Variants in BMP8A observed in about 807,000 individuals in gnomAD.
BMP8A encodes the protein BMP-8A.
Under a neutral mutation model 36.8 loss-of-function variants are expected in BMP8A, and 14 were observed. The ratio of observed to expected loss-of-function variants is 0.38; its 90% CI spans 0.25 to 0.60. The LOEUF is 0.60. Among genes scored for constraint, BMP8A ranks in the 20% least tolerant of loss-of-function variants. The probability of loss-of-function intolerance (pLI) is 0.63; values close to 1 mark genes in which losing one functional copy is unlikely to be tolerated. For synonymous variants in BMP8A, 120 were observed against 237.7 expected (o/e 0.50, Z 4.55); for missense variants, 267 against 551.1 (o/e 0.48, Z 5.16).
intron 6 of BMP8A, chr1:39,525,267 GAC>G: frequency 4.7e-6 from 1 of 212,652 alleles, no homozygotes; most frequent in East Asian, 1.2e-4. Flanking sequence ...GCTATAAGAA[GAC>G]AGTGGTCCTT....
intron 3 of BMP8A, among the ~76,000 whole-genome samples, chr1:39,518,197 A>C (rs709212): frequency 0.096 from 14,483 of 150,332 alleles, 1,836 homozygotes; most frequent in African/African-American, 0.33. Flanking sequence ...GGGGGTTCCC[A>C]GGCCATTGGG....
At chr1:39,506,682 C>T (rs1027511307) in intron 1 of BMP8A, among the ~76,000 whole-genome samples, 1 of 151,932 alleles carries the variant, frequency 6.6e-6, no homozygotes, top group South Asian at 2.1e-4. Context: ...AGGCAGCCCC[C>T]ACACTCCCTG....
At chr1:39,511,066 G>C (rs929965447) in intron 1 of BMP8A, 108 bp from the exon 2 acceptor site, 2 of 1,518,438 alleles carry the variant, frequency 1.3e-6, no homozygotes, top group African/African-American at 2.8e-5. Flanking sequence ...CCCTGGGTCC[G>C]CTCCACCTTG....
At chr1:39,508,062 T>C (rs1311976865) in intron 1 of BMP8A, among the ~76,000 whole-genome samples, 1 of 152,130 alleles carries the variant, frequency 6.6e-6, no homozygotes, top group Non-Finnish European at 1.5e-5. Flanking sequence ...CCATCCTGGC[T>C]AACACGGTGA....
intron 3 of BMP8A, among the ~76,000 whole-genome samples, chr1:39,519,837 CATCTGTGCTTATA>C (rs1645418688): frequency 7.1e-6 from 1 of 140,074 alleles, no homozygotes; most frequent in African/African-American, 2.6e-5. Flanking sequence ...TACGTGTGTA[CATCTGTGCTTATA>C]ACATGGAGGT....
At chr1:39,503,762 C>T (rs570193899) in intron 1 of BMP8A, among the ~76,000 whole-genome samples, 89 of 152,014 alleles carry the variant, frequency 5.9e-4, no homozygotes, top group Non-Finnish European at 9.9e-4. Flanking sequence ...ATCCACTCAC[C>T]TCGGCCACCC....
intron 1 of BMP8A, among the ~76,000 whole-genome samples, chr1:39,501,999 G>A (rs1645257339): frequency 6.6e-6 from 1 of 151,246 alleles, no homozygotes; most frequent in South Asian, 2.1e-4. Context: ...CAGCACTTTG[G>A]GAGGCCAAGG....
intron 1 of BMP8A, among the ~76,000 whole-genome samples, chr1:39,508,570 A>G (rs1645323388): frequency 6.6e-6 from 1 of 152,198 alleles, no homozygotes; most frequent in South Asian, 2.1e-4. Context: ...TACCCTTTTC[A>G]ATGCTCTCTT....
At position 39,523,094 on chromosome 1, in the gene BMP8A, A is replaced by G; in HGVS notation, c.1036A>G (p.Asn346Asp). The G allele has an allele frequency of 3.1e-6, 5 of 1,613,902 alleles. No individual in the cohort carries two copies. Among genetic ancestry groups the G allele is most frequent in the Non-Finnish European group, 4.2e-6 (5 of 1,179,946 alleles). Residue 346 changes from asparagine to aspartate, a missense_variant, in exon 6 of 7, where the codon AAC becomes GAC. This residue lies in a region of BMP8A where 132 missense variants were observed against 151.3 expected (regional missense o/e 0.87). Coordinates refer to ENST00000331593, the MANE Select transcript of BMP8A (RefSeq NM_181809.4). ...FPLDSCMNATNHAILQSLVHL... is the reference protein window; with the variant it reads ...FPLDSCMNATDHAILQSLVHL... ...GCTGGACTCCTGCATGAACGCCACC[A>G]ACCACGCCATCCTGCAGTCCCTGGT... is the stretch of plus-strand genomic sequence containing the variant.
At position 39,491,988 on chromosome 1, in the gene BMP8A, C is replaced by A; in HGVS notation, c.-4C>A. On this transcript the variant is annotated 5_prime_UTR_variant, in exon 1 of 7. Transcript: ENST00000331593. ...GTGCGCCCGCTGAGCGCCCCCGGCC[C>A]GCCATGGCCGCGCGCCCCGGACCGC... The A allele has an allele frequency of 3.7e-6, 4 of 1,079,944 alleles. No homozygotes were observed. The highest frequency in any genetic ancestry group is 4.5e-6 in the Non-Finnish European group (4 of 891,776). 66.9% of individuals were successfully genotyped at this position (1,079,944 alleles called of 1,614,324 possible).
Position 39,529,337 on chromosome 1 carries a change from T to C in BMP8A, c.*3539T>C, listed in dbSNP as rs1367659733. On this transcript the variant is annotated 3_prime_UTR_variant, in exon 7 of 7. Transcript: ENST00000331593. ...TCAAAAACCTAAACGTGATCATCTC[T>C]TGGATGAGGTGTGGCCCTGCACACT... Among the ~76,000 whole-genome samples, 2 of 152,240 alleles carry C rather than the reference T, an allele frequency of 1.3e-5. No individual in the cohort carries two copies. Among genetic ancestry groups the C allele is most frequent in the Non-Finnish European group, 2.9e-5 (2 of 68,046 alleles).
chr1:39,524,507 A>G lies in BMP8A; in HGVS notation c.1060-1142A>G, dbSNP rs1271524032. ...AGCAGCTGGAGGAGGAATGTTCCAG[A>G]AGGAGCAAGTGCAAGGCCCTAAGAC... is the stretch of plus-strand genomic sequence containing the variant. On this transcript the variant is annotated intron_variant, in intron 6 of 6. Transcript: ENST00000331593. This position sits in a 1 kb window ranked among gnomAD's most constrained non-coding sequence, Gnocchi z 4.0. Among the ~76,000 whole-genome samples the G allele has an allele frequency of 4.6e-5, 7 of 152,156 alleles. No individual in the cohort carries two copies. Among genetic ancestry groups the G allele is most frequent in the African/African-American group, 9.7e-5 (4 of 41,422 alleles).
In BMP8A at chr1:39,529,447, C is replaced by T. The variant is rs2124393418; in HGVS notation, c.*3649C>T. On this transcript the variant is annotated 3_prime_UTR_variant, in exon 7 of 7. Transcript: ENST00000331593. ...GGAAGTGGCAGGTGTGCGGCCCTGC[C>T]CTGGCCCCGTAGTGAGTGTGGGGCC... Among the ~76,000 whole-genome samples the T allele has an allele frequency of 6.6e-6, 1 of 152,358 alleles. No homozygotes were observed. Among genetic ancestry groups the T allele is most frequent in the Non-Finnish European group, 1.5e-5 (1 of 68,042 alleles).
At chr1:39,523,149 T>G (rs1328721495) in intron 6 of BMP8A, 32 bp downstream of exon 6, 2 of 1,605,870 alleles carry the variant, frequency 1.2e-6, no homozygotes, top group African/African-American at 2.7e-5. Context: ...CCCAGCCCCC[T>G]GGGGTGGGAG....
rs1645158796 is a variant in BMP8A, at chr1:39,491,708, G to A, written c.-284G>A. The A allele has an allele frequency of 6.1e-6, 1 of 163,808 alleles. No homozygotes were observed. The highest frequency in any genetic ancestry group is 1.3e-5 in the Non-Finnish European group (1 of 76,828). The allele number at this position is 163,808 out of a possible 1,614,324, so 10.1% of individuals were successfully genotyped here. On this transcript the variant is annotated 5_prime_UTR_variant, in exon 1 of 7. In the 5' UTR this introduces an upstream ATG that the reference lacks. Coordinates refer to ENST00000331593, the MANE Select transcript of BMP8A (RefSeq NM_181809.4). ...GCGGACCGCAGCCACAGCCGGACTGGTGGGAACGGCGGCGACAGACGGATT... is the reference window on the plus strand; with the variant it reads ...GCGGACCGCAGCCACAGCCGGACTGATGGGAACGGCGGCGACAGACGGATT...
intron 3 of BMP8A, chr1:39,515,556 C>G (rs1324647168): frequency 7.4e-7 from 1 of 1,350,340 alleles, no homozygotes; most frequent in Non-Finnish European, 1.0e-6. Context: ...CCTTTTGGAG[C>G]GCGCCATCCG....
chr1:39,523,167 A>G (rs779160293), intron 6 of BMP8A, 50 bp downstream of exon 6: 77 of 1,597,946 alleles, frequency 4.8e-5, no homozygotes, highest in Non-Finnish European at 4.4e-5. Context: ...GAGGCCCTGC[A>G]GAGAGGGGTC....
intron 3 of BMP8A, among the ~76,000 whole-genome samples, chr1:39,514,035 C>A (rs1645377918): frequency 6.7e-6 from 1 of 149,646 alleles, no homozygotes; most frequent in Non-Finnish European, 1.5e-5. Context: ...GAGAAGTGAC[C>A]AAGGGTTTTG....
Position 39,526,022 on chromosome 1 carries a change from A to C in BMP8A, c.*224A>C. On this transcript the variant is annotated 3_prime_UTR_variant, in exon 7 of 7. Transcript: ENST00000331593. ...CCGACACTTTGGTGGCCTAAGGCAC[A>C]CAGCAGCCTCAGAGCCTGTGCTGAC... 1.4e-6 allele frequency: 1 copy of C among 714,624 alleles called. No homozygotes were observed. Among genetic ancestry groups the C allele is most frequent in the Admixed American group, 2.9e-5 (1 of 34,198 alleles). 44.3% of individuals were successfully genotyped at this position (714,624 alleles called of 1,614,324 possible).
Sources: allele counts gnomAD v4.1 joint callset (sites outside exome capture counted in the v4.1 genomes callset), GRCh38; gene constraint gnomAD v4.1.1; regional missense constraint gnomAD v4.1.1; non-coding constraint Gnocchi (gnomAD v3.1); transcripts MANE v1.5; gene names NCBI Gene and HGNC (gene_info 2026-07-23, HGNC 2026-07-21).